The following GPC6 variants were observed in gnomAD, a reference collection of about 807,000 sequenced individuals.
GPC6 encodes glypican-6.
GPC6 carries 14 observed loss-of-function variants against 55.2 expected under a neutral mutation model. The observed-to-expected ratio is 0.25, with a 90% CI of 0.17 to 0.40. The LOEUF is 0.40. GPC6 is among the 10% of genes least tolerant of loss of function. The probability of loss-of-function intolerance (pLI) is 1.00; values close to 1 mark genes in which losing one functional copy is unlikely to be tolerated. For missense variants in GPC6, 641 were observed against 708.5 expected (o/e 0.90, Z 1.08); for synonymous variants, 278 against 259.6 (o/e 1.07, Z -0.68).
rs74550320 is a variant in GPC6, at chr13:94,295,043, G to A, written c.1008+8564G>A. 6.8e-4 allele frequency among the ~76,000 whole-genome samples: 103 copies of A among 152,264 alleles called. 2 individuals are homozygous for A. In the East Asian group the frequency reaches 0.012, roughly 17 times the overall value. On this transcript the variant is annotated intron_variant, in intron 5 of 8. Transcript: ENST00000377047. Reference sequence around the variant, plus strand: ...ATATAATGCCAGAGAGACTTCCAGCGATAAGGAATAGAAAATACCTTAAAA... The same window carrying A: ...ATATAATGCCAGAGAGACTTCCAGCAATAAGGAATAGAAAATACCTTAAAA...
intron 2 of GPC6, among the ~76,000 whole-genome samples, chr13:93,742,104 G>A (rs1884225023): frequency 6.6e-6 from 1 of 152,116 alleles, no homozygotes; most frequent in Non-Finnish European, 1.5e-5. Flanking sequence ...GAAAGAACAT[G>A]TACCAAGTTT....
At chr13:93,773,544 C>A (rs1885367881) in intron 2 of GPC6, among the ~76,000 whole-genome samples, 1 of 152,066 alleles carries the variant, frequency 6.6e-6, no homozygotes, top group South Asian at 2.1e-4. Context: ...CTCACTCAGT[C>A]TTATGGTATG....
chr13:93,256,514 G>T (rs1314910443), intron 1 of GPC6, among the ~76,000 whole-genome samples: 1 of 152,086 alleles, frequency 6.6e-6, no homozygotes, highest in Non-Finnish European at 1.5e-5. Flanking sequence ...AACTCTGAAA[G>T]GCAGGATCAG....
At chr13:93,980,630 A>G (rs1422485815) in intron 3 of GPC6, among the ~76,000 whole-genome samples, 1 of 152,156 alleles carries the variant, frequency 6.6e-6, no homozygotes, top group Non-Finnish European at 1.5e-5. Flanking sequence ...GCTATCTGGC[A>G]TAAGAAGTTA....
chr13:94,039,594 G>A (rs1883460666), intron 4 of GPC6, among the ~76,000 whole-genome samples: 1 of 151,890 alleles, frequency 6.6e-6, no homozygotes, highest in African/African-American at 2.4e-5. Flanking sequence ...TTTAGGTCTT[G>A]TTGGATTTGA....
At chr13:93,424,443 A>C (rs1053109230) in intron 1 of GPC6, among the ~76,000 whole-genome samples, 2 of 152,090 alleles carry the variant, frequency 1.3e-5, no homozygotes, top group African/African-American at 4.8e-5. Context: ...CAGCTGAGAC[A>C]TCTCCTGTCC....
At chr13:93,498,166 C>T (rs1242678392) in intron 1 of GPC6, among the ~76,000 whole-genome samples, 1 of 152,148 alleles carries the variant, frequency 6.6e-6, no homozygotes, top group Non-Finnish European at 1.5e-5. Context: ...TCTTTCTGCT[C>T]CTGGTGAGTT....
intron 4 of GPC6, among the ~76,000 whole-genome samples, chr13:94,181,384 A>C (rs1368721071): frequency 3.9e-5 from 6 of 152,176 alleles, no homozygotes; most frequent in African/African-American, 1.4e-4. Context: ...CTTAGGGGAA[A>C]TAGAAAAGAA....
chr13:94,253,881 A>T (rs921857298), intron 4 of GPC6, among the ~76,000 whole-genome samples: 3 of 152,140 alleles, frequency 2.0e-5, no homozygotes, highest in Non-Finnish European at 2.9e-5. Flanking sequence ...TTTCAATTAG[A>T]TTGATGTATG....
intron 3 of GPC6, among the ~76,000 whole-genome samples, chr13:93,867,621 A>G (rs558053674): frequency 2.2e-4 from 34 of 151,734 alleles, no homozygotes; most frequent in Non-Finnish European, 4.4e-4. Flanking sequence ...CCCCAAATGG[A>G]TGGAATCAAC....
At chr13:93,729,306 C>G (rs1883746485) in intron 2 of GPC6, among the ~76,000 whole-genome samples, 1 of 152,144 alleles carries the variant, frequency 6.6e-6, no homozygotes, top group Non-Finnish European at 1.5e-5. Context: ...ACCACATTCT[C>G]AGAGGAGCAA....
rs989068002 is a variant in GPC6 at position 93,487,570 on chromosome 13, C to G, written c.161-57693C>G. On this transcript the variant is annotated intron_variant, in intron 1 of 8. Transcript: ENST00000377047. ...GAGGAACGAGGGGGTAAGGAAGACACAGAAAGTTGAAAAAGAACAGTTTTG... is the reference window on the plus strand; with the variant it reads ...GAGGAACGAGGGGGTAAGGAAGACAGAGAAAGTTGAAAAAGAACAGTTTTG... Among the ~76,000 whole-genome samples, 29 of 152,272 alleles carry G rather than the reference C, an allele frequency of 1.9e-4. No homozygotes were observed. The East Asian group carries it at 3.7e-3, about 19-fold the overall frequency.
intron 4 of GPC6, among the ~76,000 whole-genome samples, chr13:94,175,418 T>C (rs1020244919): frequency 4.6e-5 from 7 of 152,184 alleles, no homozygotes; most frequent in Non-Finnish European, 8.8e-5. Flanking sequence ...TCCTACTCTA[T>C]GGTGTTCGTT....
intron 4 of GPC6, among the ~76,000 whole-genome samples, chr13:94,096,754 T>C (rs936997951): frequency 6.6e-6 from 1 of 152,218 alleles, no homozygotes; most frequent in Non-Finnish European, 1.5e-5. Flanking sequence ...CACCTATATA[T>C]AGCCATGTCT....
intron 1 of GPC6, among the ~76,000 whole-genome samples, chr13:93,397,085 C>T (rs1296178746): frequency 6.6e-6 from 1 of 152,114 alleles, no homozygotes; most frequent in Non-Finnish European, 1.5e-5. Context: ...AACATTTATA[C>T]TTATATTTGG....
At chr13:94,089,548 T>G (rs1248352115) in intron 4 of GPC6, among the ~76,000 whole-genome samples, 2 of 152,164 alleles carry the variant, frequency 1.3e-5, no homozygotes, top group Non-Finnish European at 2.9e-5. Flanking sequence ...CATATTTTCT[T>G]CCTAAAGCAC....
intron 1 of GPC6, among the ~76,000 whole-genome samples, chr13:93,406,386 C>A (rs944461147): frequency 6.6e-6 from 1 of 152,104 alleles, no homozygotes; most frequent in Admixed American, 6.6e-5. Context: ...TTGTTGGTAG[C>A]GCCTGGATGG....
At chr13:94,270,988 T>G (rs1239937584) in intron 4 of GPC6, among the ~76,000 whole-genome samples, 2 of 117,808 alleles carry the variant, frequency 1.7e-5, no homozygotes, top group Non-Finnish European at 3.5e-5. Flanking sequence ...TTTTTTTTTT[T>G]TTTTTTTTTT....
At position 94,230,274 on chromosome 13, in the gene GPC6, G is replaced by A. The variant is rs138232539; in HGVS notation, c.878-56075G>A. Among the ~76,000 whole-genome samples the A allele has an allele frequency of 8.4e-3, 1,286 of 152,220 alleles. 26 individuals carry two copies. The highest frequency in any genetic ancestry group is 0.029 in the African/African-American group (1,216 of 41,544). On this transcript the variant is annotated intron_variant, in intron 4 of 8. Coordinates refer to ENST00000377047, the MANE Select transcript of GPC6 (RefSeq NM_005708.5). ...TTATGTGTGAGAAAACTGGTGACTAGAAATGCCCAAGTCCTGCTCCAGGTC... is the reference window on the plus strand; with the variant it reads ...TTATGTGTGAGAAAACTGGTGACTAAAAATGCCCAAGTCCTGCTCCAGGTC...
Sources: allele counts gnomAD v4.1 joint callset (sites outside exome capture counted in the v4.1 genomes callset), GRCh38; gene constraint gnomAD v4.1.1; transcripts MANE v1.5; gene names NCBI Gene and HGNC (gene_info 2026-07-23, HGNC 2026-07-21).